ADGRB1: variants seen among roughly 807,000 people sequenced by gnomAD.
The protein encoded by ADGRB1 is brain-specific angiogenesis inhibitor 1.
Under a neutral mutation model 175.7 loss-of-function variants are expected in ADGRB1, and 36 were observed. The ratio of observed to expected loss-of-function variants is 0.20; its 90% CI spans 0.16 to 0.27. The LOEUF is 0.27. Among genes scored for constraint, ADGRB1 ranks in the 10% least tolerant of loss-of-function variants. The pLI is 1.00. For synonymous variants in ADGRB1, 1,054 were observed against 979.4 expected (o/e 1.08, Z -1.42); for missense variants, 1,731 against 2,255.3 (o/e 0.77, Z 4.71).
rs1450438273 is a variant in ADGRB1, at chr8:142,543,980, C to T, written c.4558-240C>T. ...GAGCCAATCCAGGGCAGGGTCCCCA[C>T]AGCCTGACCCGACCGTGGGGTTCGC... is the stretch of plus-strand genomic sequence containing the variant. On this transcript the variant is annotated intron_variant, in intron 30 of 30. Transcript: ENST00000517894. The surrounding 1 kb of genome is among the most constrained non-coding windows in gnomAD (Gnocchi z 4.4). Among the ~76,000 whole-genome samples, 1 of 152,090 alleles carries T rather than the reference C, an allele frequency of 6.6e-6. No homozygotes were observed. The highest frequency in any genetic ancestry group is 2.4e-5 in the African/African-American group (1 of 41,438).
intron 22 of ADGRB1, among the ~76,000 whole-genome samples, chr8:142,523,739 G>C (rs1160105244): frequency 6.8e-6 from 1 of 147,142 alleles, no homozygotes; most frequent in African/African-American, 2.5e-5. Flanking sequence ...ACCACAGGTG[G>C]TGTCCAGAGA....
intron 24 of ADGRB1, among the ~76,000 whole-genome samples, chr8:142,526,948 G>T: frequency 6.6e-6 from 1 of 152,180 alleles, no homozygotes; most frequent in East Asian, 1.9e-4. Context: ...CCAAGGCTGG[G>T]TGCTGGGGGT....
At chr8:142,535,000 C>T (rs1844844509) in intron 25 of ADGRB1, among the ~76,000 whole-genome samples, 1 of 152,186 alleles carries the variant, frequency 6.6e-6, no homozygotes, top group Admixed American at 6.5e-5. Flanking sequence ...ACACTCCTGG[C>T]CCCCAGTGCC....
At chr8:142,479,845 G>C in intron 9 of ADGRB1, 51 bp downstream of exon 9, 1 of 1,547,126 alleles carries the variant, frequency 6.5e-7, no homozygotes, top group Non-Finnish European at 8.8e-7. Context: ...CTGTCCTCAC[G>C]GTGATGCCCA....
intron 2 of ADGRB1, among the ~76,000 whole-genome samples, chr8:142,468,352 G>A (rs1374215472): frequency 6.6e-6 from 1 of 152,196 alleles, no homozygotes; most frequent in Admixed American, 6.5e-5. Context: ...TGGGGCAGGG[G>A]CCGTTGGTCT....
intron 7 of ADGRB1, 129 bp from the exon 8 acceptor site, chr8:142,479,194 T>C (rs13252518): frequency 0.81 from 862,765 of 1,070,688 alleles, 348,714 homozygotes; most frequent in South Asian, 0.86. Context: ...TGCCCCACAT[T>C]CCTGGGTCCC....
At position 142,458,860 on chromosome 8, in the gene ADGRB1, C is replaced by T. The variant is rs565041656; in HGVS notation, c.-219-5120C>T. Among the ~76,000 whole-genome samples, 6 of 152,286 alleles carry T rather than the reference C, an allele frequency of 3.9e-5. No homozygotes were observed. In the South Asian group the frequency reaches 8.3e-4, roughly 21 times the overall value. On this transcript the variant is annotated intron_variant, in intron 1 of 30. Transcript: ENST00000517894. ...TGGGAAGCTGAGGGGCAGTGGGTAA[C>T]GGGAGCTGCTGTTATCCAGGTCGAG...
Position 142,543,397 on chromosome 8 carries a change from C to T in ADGRB1, c.4414-6C>T, listed in dbSNP as rs1466692702. The T allele has an allele frequency of 1.6e-5, 26 of 1,613,684 alleles. No homozygotes were observed. Among genetic ancestry groups the T allele is most frequent in the Non-Finnish European group, 2.2e-5 (26 of 1,179,806 alleles). On this transcript the variant is annotated splice_region_variant and splice_polypyrimidine_tract_variant and intron_variant, in intron 28 of 30. Transcript: ENST00000517894. The surrounding 1 kb of genome is among the most constrained non-coding windows in gnomAD (Gnocchi z 4.4). ...GCGAATGTTCGCAAACCCCTTCTCC[C>T]TGCAGCGGCGGAAGTCGCGGTATGC...
At chr8:142,484,291 C>T (rs565930313) in intron 12 of ADGRB1, among the ~76,000 whole-genome samples, 2 of 152,218 alleles carry the variant, frequency 1.3e-5, no homozygotes, top group Non-Finnish European at 2.9e-5. Flanking sequence ...AAATACTGAG[C>T]ACATGGGGAT....
chr8:142,533,619 G>T (rs370161653), intron 25 of ADGRB1, among the ~76,000 whole-genome samples, 153 bp downstream of exon 25: 37 of 152,042 alleles, frequency 2.4e-4, no homozygotes, highest in African/African-American at 8.9e-4. Context: ...GGTCCACAGA[G>T]CGGGGCCTGC....
In ADGRB1 at chr8:142,474,963, C is replaced by T. The variant is rs1391864757; in HGVS notation, c.785-511C>T. Among the ~76,000 whole-genome samples the T allele has an allele frequency of 6.6e-6, 1 of 152,084 alleles. No homozygotes were observed. The highest frequency in any genetic ancestry group is 1.5e-5 in the Non-Finnish European group (1 of 67,996). On this transcript the variant is annotated intron_variant, in intron 2 of 30. Coordinates refer to ENST00000517894, the MANE Select transcript of ADGRB1 (RefSeq NM_001702.3). This position sits in a 1 kb window ranked among gnomAD's most constrained non-coding sequence, Gnocchi z 5.8. Reference sequence around the variant, plus strand: ...GGTATACCTGCGTGGGGTGAAGAAGCGGCTCCAGGTCACAGCTGGGGTGTG... The same window carrying T: ...GGTATACCTGCGTGGGGTGAAGAAGTGGCTCCAGGTCACAGCTGGGGTGTG...
intron 2 of ADGRB1, among the ~76,000 whole-genome samples, chr8:142,469,547 A>ATGTG (rs1840509319): frequency 1.5e-5 from 2 of 131,754 alleles, no homozygotes; most frequent in African/African-American, 5.8e-5. Flanking sequence ...GAGTGTATGC[A>ATGTG]CGTGCATGTG....
At chr8:142,495,610 T>A (rs976410017) in intron 17 of ADGRB1, among the ~76,000 whole-genome samples, 1 of 152,008 alleles carries the variant, frequency 6.6e-6, no homozygotes, top group Non-Finnish European at 1.5e-5. Flanking sequence ...CTCTAGGAAA[T>A]CCTTGGTGTT....
intron 1 of ADGRB1, 104 bp downstream of exon 1, chr8:142,450,208 C>G (rs1839255212): frequency 6.6e-6 from 1 of 151,912 alleles, no homozygotes; most frequent in South Asian, 2.1e-4. Context: ...CCTAACTTCG[C>G]CGTTTGGGGC....
At chr8:142,516,821 G>A (rs1474988331) in intron 18 of ADGRB1, among the ~76,000 whole-genome samples, 1 of 152,160 alleles carries the variant, frequency 6.6e-6, no homozygotes, top group Non-Finnish European at 1.5e-5. Context: ...GGTTCAGCCT[G>A]GCTTATGACT....
At chr8:142,491,129 AG>A (rs1180279795) in intron 17 of ADGRB1, among the ~76,000 whole-genome samples, 1 of 152,186 alleles carries the variant, frequency 6.6e-6, no homozygotes, top group Non-Finnish European at 1.5e-5. Flanking sequence ...TGCCCACAGC[AG>A]GTGGAATCCT....
intron 13 of ADGRB1, among the ~76,000 whole-genome samples, chr8:142,485,279 G>T (rs1342351820): frequency 6.6e-6 from 1 of 152,214 alleles, no homozygotes; most frequent in Non-Finnish European, 1.5e-5. Context: ...CGGGGTAAAA[G>T]GTGGCTGTCA....
chr8:142,510,387 G>A lies in ADGRB1; in HGVS notation c.2676-545G>A, dbSNP rs1271752918. 6.6e-6 allele frequency among the ~76,000 whole-genome samples: 1 copy of A among 151,884 alleles called. No homozygotes were observed. Among genetic ancestry groups the A allele is most frequent in the Admixed American group, 6.5e-5 (1 of 15,286 alleles). On this transcript the variant is annotated intron_variant, in intron 17 of 30. Transcript: ENST00000517894. The surrounding 1 kb of genome is among the most constrained non-coding windows in gnomAD (Gnocchi z 6.3). ...GGGAGGTGGATGTGGGGGATGGAGCGGTCCCAAGGTCGTCAGCTCCAGCCG... is the reference window on the plus strand; with the variant it reads ...GGGAGGTGGATGTGGGGGATGGAGCAGTCCCAAGGTCGTCAGCTCCAGCCG...
rs150909285 is a variant in ADGRB1, at chr8:142,509,542, GC to G, written c.2676-1385del. On this transcript the variant is annotated intron_variant, in intron 17 of 30. Transcript: ENST00000517894. Reference sequence around the variant, plus strand: ...AGGTCCCTTCTGACTCCTAGCCTCAGCCCCCGTTGGTACAGTGGGGACCGGA... The same window carrying G: ...AGGTCCCTTCTGACTCCTAGCCTCAGCCCCGTTGGTACAGTGGGGACCGGA... Among the ~76,000 whole-genome samples, 555 of 152,326 alleles carry G rather than the reference GC, an allele frequency of 3.6e-3. 3 individuals are homozygous for G. Among genetic ancestry groups the G allele is most frequent in the Non-Finnish European group, 6.8e-3 (460 of 68,026 alleles).
Sources: gnomAD v4.1 joint callset for allele counts (sites outside exome capture counted in the v4.1 genomes callset) on GRCh38, gnomAD v4.1.1 for gene constraint, Gnocchi (gnomAD v3.1) non-coding constraint, MANE v1.5 for transcripts, NCBI Gene and HGNC (gene_info 2026-07-23, HGNC 2026-07-21) for gene names.